SLC25A13: variants seen among roughly 807,000 people sequenced by gnomAD.
The protein encoded by SLC25A13 is electrogenic aspartate/glutamate antiporter SLC25A13, mitochondrial.
In SLC25A13, 70 loss-of-function variants were observed where a neutral mutation model predicts 85.5. The observed-to-expected ratio is 0.82, with a 90% confidence interval of 0.68 to 1.00. SLC25A13 has a LOEUF of 1.00. SLC25A13 is among the 50% of genes least tolerant of loss of function. SLC25A13 has a pLI of 0.00. For missense variants in SLC25A13, 765 were observed against 819.8 expected (o/e 0.93, Z 0.82); for synonymous variants, 259 against 288.7 (o/e 0.90, Z 1.04).
At chr7:96,258,197 T>C (rs1182721956) in intron 3 of SLC25A13, among the ~76,000 whole-genome samples, 2 of 152,060 alleles carry the variant, frequency 1.3e-5, no homozygotes, top group African/African-American at 2.4e-5. Flanking sequence ...CTATTCAAAA[T>C]AGTATTGGAA....
rs1175733340 is a variant in SLC25A13 at position 96,125,814 on chromosome 7, C to A, written c.1592-3817G>T. The stretch of plus-strand genomic sequence containing the variant: ...TCTAAATTTGGTCTTTGATCATATC[C>A]ATTATATCATTCAGAACTAACGCTT... On this transcript the variant is annotated intron_variant, in intron 15 of 17. Coordinates refer to ENST00000265631, the MANE Select transcript of SLC25A13 (RefSeq NM_014251.3). Among the ~76,000 whole-genome samples the A allele has an allele frequency of 2.0e-5, 3 of 150,374 alleles. No individual in the cohort carries two copies. In the South Asian group the frequency reaches 6.4e-4, roughly 32 times the overall value.
intron 3 of SLC25A13, among the ~76,000 whole-genome samples, chr7:96,266,950 T>C (rs191847781): frequency 6.6e-6 from 1 of 152,362 alleles, no homozygotes; most frequent in East Asian, 1.9e-4. Flanking sequence ...TGCTATTGAT[T>C]ATTATCAAGG....
intron 13 of SLC25A13, among the ~76,000 whole-genome samples, chr7:96,158,378 A>G (rs1028788345): frequency 3.3e-5 from 5 of 152,220 alleles, no homozygotes; most frequent in African/African-American, 4.8e-5. Flanking sequence ...ACATGGCAGT[A>G]TATTTTTTAA....
intron 7 of SLC25A13, 133 bp downstream of exon 7, chr7:96,190,976 A>C: frequency 8.7e-7 from 1 of 1,151,570 alleles, no homozygotes; most frequent in Non-Finnish European, 1.3e-6. Context: ...CAAAGGATGA[A>C]AAACACACGT....
At chr7:96,264,845 A>C (rs1246013756) in intron 3 of SLC25A13, among the ~76,000 whole-genome samples, 3 of 152,246 alleles carry the variant, frequency 2.0e-5, no homozygotes, top group Middle Eastern at 3.4e-3. Context: ...CAGCACACCC[A>C]GCCAAAGAAC....
chr7:96,273,924 G>T (rs1475317999), intron 3 of SLC25A13, among the ~76,000 whole-genome samples: 1 of 152,150 alleles, frequency 6.6e-6, no homozygotes, highest in Non-Finnish European at 1.5e-5. Context: ...GTTTTGCATA[G>T]TTTCAGCTTA....
intron 4 of SLC25A13, among the ~76,000 whole-genome samples, chr7:96,222,375 A>C (rs1447117602): frequency 6.6e-6 from 1 of 152,192 alleles, no homozygotes; most frequent in African/African-American, 2.4e-5. Context: ...TTTGGTCTTC[A>C]TGAGAATCAG....
chr7:96,201,717 G>A (rs1351541342), intron 5 of SLC25A13, among the ~76,000 whole-genome samples: 2 of 152,048 alleles, frequency 1.3e-5, no homozygotes, highest in South Asian at 2.1e-4. Flanking sequence ...ACATGAAATC[G>A]CTTATTAATT....
chr7:96,253,760 T>C (rs1000317983), intron 3 of SLC25A13, among the ~76,000 whole-genome samples: 1 of 152,166 alleles, frequency 6.6e-6, no homozygotes, highest in African/African-American at 2.4e-5. Flanking sequence ...ATCTCATCAT[T>C]AGGGTTTGTC....
chr7:96,127,041 T>C (rs977526368), intron 15 of SLC25A13, among the ~76,000 whole-genome samples: 1 of 152,214 alleles, frequency 6.6e-6, no homozygotes, highest in African/African-American at 2.4e-5. Flanking sequence ...TTAAAGGTAT[T>C]TCTGTATTAC....
intron 4 of SLC25A13, among the ~76,000 whole-genome samples, chr7:96,234,438 G>C (rs1562865613): frequency 6.6e-6 from 1 of 152,136 alleles, no homozygotes; most frequent in African/African-American, 2.4e-5. Context: ...AGTAACTTCT[G>C]TGTGTAGGCA....
intron 14 of SLC25A13, among the ~76,000 whole-genome samples, chr7:96,136,890 C>G (rs1792309765): frequency 6.6e-6 from 1 of 152,198 alleles, no homozygotes; most frequent in Non-Finnish European, 1.5e-5. Flanking sequence ...TTCAAGACAA[C>G]AGTGGTGCAC....
intron 11 of SLC25A13, among the ~76,000 whole-genome samples, chr7:96,179,112 T>C (rs1794328640): frequency 6.6e-6 from 1 of 152,228 alleles, no homozygotes; most frequent in Non-Finnish European, 1.5e-5. Flanking sequence ...GATTATGGTC[T>C]GGAAAAAAAT....
intron 3 of SLC25A13, among the ~76,000 whole-genome samples, chr7:96,242,698 TCCAA>T (rs1284700796): frequency 1.3e-5 from 2 of 152,186 alleles, no homozygotes; most frequent in Non-Finnish European, 2.9e-5. Flanking sequence ...TTAGGTAAAC[TCCAA>T]CCAATTGTCA....
At chr7:96,152,763 C>T (rs536679761) in intron 13 of SLC25A13, among the ~76,000 whole-genome samples, 130 of 152,258 alleles carry the variant, frequency 8.5e-4, no homozygotes, top group African/African-American at 3.1e-3. Flanking sequence ...CTCTGCTATA[C>T]ACCGGTGGTA....
At chr7:96,267,051 T>A (rs1798064575) in intron 3 of SLC25A13, among the ~76,000 whole-genome samples, 1 of 152,214 alleles carries the variant, frequency 6.6e-6, no homozygotes, top group Non-Finnish European at 1.5e-5. Context: ...CCTAATAGTA[T>A]AGAAAACTTT....
At chr7:96,180,175 T>G (rs189895128) in intron 11 of SLC25A13, among the ~76,000 whole-genome samples, 101 of 147,924 alleles carry the variant, frequency 6.8e-4, no homozygotes, top group African/African-American at 1.7e-3. Context: ...AAAAATGTGG[T>G]TTTTTTTTTG....
chr7:96,191,234 G>T lies in SLC25A13; in HGVS notation c.629C>A (p.Thr210Asn). 1.2e-6 allele frequency: 2 copies of T among 1,613,820 alleles called. No individual in the cohort carries two copies. Among genetic ancestry groups the T allele is most frequent in the Non-Finnish European group, 1.7e-6 (2 of 1,179,918 alleles). Residue 210 changes from threonine (T) to asparagine (N), a missense_variant, in exon 7 of 18, where the codon ACC (threonine) becomes AAC (asparagine). Thr to Asn is a moderately conservative substitution (Grantham distance 65). Coordinates refer to ENST00000265631, the MANE Select transcript of SLC25A13 (RefSeq NM_014251.3). ...GGAGAAACTAACTTGATGGGATGTG[G>T]TACCTCCAGCAGCCTCAAATAAATT... The part of the protein sequence containing the change: ...EECLVAAAGG[T>N]TSHQVSFSYF...
At chr7:96,129,717 G>T (rs1489690482) in intron 15 of SLC25A13, among the ~76,000 whole-genome samples, 1 of 152,002 alleles carries the variant, frequency 6.6e-6, no homozygotes, top group East Asian at 1.9e-4. Context: ...ATCTTGTAAG[G>T]TAAGACTATT....
Sources: gnomAD v4.1 joint callset for allele counts (sites outside exome capture counted in the v4.1 genomes callset) on GRCh38, gnomAD v4.1.1 for gene constraint, MANE v1.5 for transcripts, NCBI Gene and HGNC (gene_info 2026-07-23, HGNC 2026-07-21) for gene names.